The following STXBP4 variants were observed in gnomAD, a reference collection of about 807,000 sequenced individuals.
The protein encoded by STXBP4 is syntaxin binding protein 4.
A neutral mutation model predicts 76.1 loss-of-function variants in STXBP4; 55 were observed. The ratio of observed to expected loss-of-function variants is 0.72; its 90% CI spans 0.58 to 0.91. STXBP4 has a LOEUF of 0.91. Ranked by LOEUF, STXBP4 falls within the 40% of genes least tolerant of loss-of-function variation. The pLI, the probability that STXBP4 is intolerant of heterozygous loss-of-function variation, is 0.00. For missense variants in STXBP4, 618 were observed against 636.9 expected (o/e 0.97, Z 0.32); for synonymous variants, 201 against 220.2 (o/e 0.91, Z 0.77).
At chr17:55,008,550 A>T (rs190097198) in intron 8 of STXBP4, among the ~76,000 whole-genome samples, 2 of 152,206 alleles carry the variant, frequency 1.3e-5, no homozygotes, top group Non-Finnish European at 2.9e-5. Context: ...TTTACCTGAC[A>T]TGAGAACCTT....
At chr17:55,131,889 A>T (rs2079977482) in intron 16 of STXBP4, among the ~76,000 whole-genome samples, 1 of 152,070 alleles carries the variant, frequency 6.6e-6, no homozygotes, top group Non-Finnish European at 1.5e-5. Flanking sequence ...CAGCCACCTG[A>T]GTGTCTGGGA....
intron 17 of STXBP4, among the ~76,000 whole-genome samples, chr17:55,154,489 G>T (rs1197043094): frequency 6.6e-6 from 1 of 152,142 alleles, no homozygotes; most frequent in Non-Finnish European, 1.5e-5. Flanking sequence ...TGATAATTCA[G>T]TGTATAGGTA....
At chr17:55,043,453 T>C (rs1414615091) in intron 11 of STXBP4, 128 bp downstream of exon 11, 1 of 759,950 alleles carries the variant, frequency 1.3e-6, no homozygotes, top group Non-Finnish European at 2.0e-6. Context: ...TATCAAATAG[T>C]AAAAATCAGA....
intron 15 of STXBP4, among the ~76,000 whole-genome samples, chr17:55,080,633 A>G (rs2079244148): frequency 1.3e-5 from 2 of 152,128 alleles, no homozygotes; most frequent in South Asian, 4.1e-4. Context: ...AAATACATAT[A>G]TTGAATTTAT....
At chr17:54,984,755 A>C (rs1430731965) in intron 1 of STXBP4, among the ~76,000 whole-genome samples, 1 of 152,140 alleles carries the variant, frequency 6.6e-6, no homozygotes, top group African/African-American at 2.4e-5. Context: ...TCAGCTTTTC[A>C]GAGGATATCA....
chr17:54,994,447 TA>T (rs1467127933), intron 4 of STXBP4, among the ~76,000 whole-genome samples: 1 of 152,206 alleles, frequency 6.6e-6, no homozygotes, highest in African/African-American at 2.4e-5. Context: ...TGACAGCTTC[TA>T]GCTACACAAA....
chr17:55,198,043 G>T, the STXBP4 span, among the ~76,000 whole-genome samples: 2 of 152,310 alleles, frequency 1.3e-5, no homozygotes, highest in East Asian at 1.9e-4. Flanking sequence ...CGGCTCAAGG[G>T]CCTGGTTTAC....
chr17:55,153,811 AT>A (rs1490379471), intron 17 of STXBP4, among the ~76,000 whole-genome samples: 1 of 152,222 alleles, frequency 6.6e-6, no homozygotes, highest in African/African-American at 2.4e-5. Flanking sequence ...TTCCAGTTAA[AT>A]TTAGTATTCG....
intron 16 of STXBP4, among the ~76,000 whole-genome samples, chr17:55,114,267 T>C (rs1357550325): frequency 6.6e-6 from 1 of 152,088 alleles, no homozygotes; most frequent in Non-Finnish European, 1.5e-5. Flanking sequence ...TGAACTAATA[T>C]GAGAAACTGA....
the STXBP4 span, among the ~76,000 whole-genome samples, chr17:55,210,649 C>T: frequency 1.3e-5 from 2 of 152,120 alleles, no homozygotes; most frequent in African/African-American, 2.4e-5. Flanking sequence ...GATCTTTCCC[C>T]ACTTAAAATA....
chr17:54,986,129 T>A lies in STXBP4; in HGVS notation c.-78-13T>A. ...AAGACCTGACAATTTATTTTCTACT[T>A]CTTCAATCCTAGGAAAAGAAGAATT... is the stretch of plus-strand genomic sequence containing the variant. On this transcript the variant is annotated splice_polypyrimidine_tract_variant and intron_variant, in intron 2 of 17. Coordinates refer to ENST00000376352, the MANE Select transcript of STXBP4 (RefSeq NM_178509.6). 3.6e-6 allele frequency: 4 copies of A among 1,115,200 alleles called. No individual in the cohort carries two copies. Among genetic ancestry groups the A allele is most frequent in the Non-Finnish European group, 5.3e-6 (4 of 750,768 alleles). 69.1% of individuals were successfully genotyped at this position (1,115,200 alleles called of 1,614,324 possible). A position where few individuals can be genotyped will look rare whatever the true frequency, so the allele number is the denominator to read the frequency against.
At chr17:55,185,266 T>TCTC in the STXBP4 span, among the ~76,000 whole-genome samples, 42 of 53,078 alleles carry the variant, frequency 7.9e-4, 1 homozygote, top group East Asian at 1.6e-3. Context: ...TCCTTCTCCT[T>TCTC]CTCCTTCTCC....
At chr17:55,112,090 C>CT (rs5821086) in intron 16 of STXBP4, among the ~76,000 whole-genome samples, 9 of 151,102 alleles carry the variant, frequency 6.0e-5, no homozygotes, top group South Asian at 4.2e-4. Context: ...TAATTTTACT[C>CT]TTTTTTTTTT....
chr17:55,153,165 A>G (rs2145180261), intron 17 of STXBP4, among the ~76,000 whole-genome samples: 1 of 152,302 alleles, frequency 6.6e-6, no homozygotes, highest in East Asian at 1.9e-4. Flanking sequence ...CTTGCCTTTA[A>G]TTTATACTAA....
At chr17:55,045,603 G>T (rs1365321742) in intron 11 of STXBP4, among the ~76,000 whole-genome samples, 1 of 151,940 alleles carries the variant, frequency 6.6e-6, no homozygotes, top group African/African-American at 2.4e-5. Flanking sequence ...ACTTCCCTGA[G>T]GAGTCATTCA....
chr17:55,184,370 A>G, the STXBP4 span, among the ~76,000 whole-genome samples: 1 of 152,228 alleles, frequency 6.6e-6, no homozygotes. Context: ...ACCAAATATA[A>G]ATATGCCATT....
At chr17:55,133,999 A>G (rs1341636180) in intron 16 of STXBP4, among the ~76,000 whole-genome samples, 2 of 152,038 alleles carry the variant, frequency 1.3e-5, no homozygotes, top group Non-Finnish European at 2.9e-5. Flanking sequence ...TTTGTCTTTA[A>G]TTTTTTTTAA....
chr17:55,131,713 G>A (rs1030550906), intron 16 of STXBP4, among the ~76,000 whole-genome samples: 1 of 152,130 alleles, frequency 6.6e-6, no homozygotes, highest in African/African-American at 2.4e-5. Flanking sequence ...ATGTTCGACA[G>A]CCACTGGCCC....
Position 55,160,559 on chromosome 17 carries a change from G to C in STXBP4, c.*648G>C, listed in dbSNP as rs2080328053. 6.6e-6 allele frequency: 1 copy of C among 152,456 alleles called. No homozygotes were observed. The highest frequency in any genetic ancestry group is 1.5e-5 in the Non-Finnish European group (1 of 68,082). The allele number at this position is 152,456 out of a possible 1,614,324, so 9.4% of individuals were successfully genotyped here. A position where few individuals can be genotyped will look rare whatever the true frequency, so the allele number is the denominator to read the frequency against. On this transcript the variant is annotated 3_prime_UTR_variant, in exon 18 of 18. Transcript: ENST00000376352. Reference sequence around the variant, plus strand: ...GGAAATAGCAGTTCAGAGAGAGGAAGCTCTCTGTCCCAGCACCGAGACTCA... The same window carrying C: ...GGAAATAGCAGTTCAGAGAGAGGAACCTCTCTGTCCCAGCACCGAGACTCA...
Sources: allele counts gnomAD v4.1 joint callset (sites outside exome capture counted in the v4.1 genomes callset), GRCh38; gene constraint gnomAD v4.1.1; transcripts MANE v1.5; gene names NCBI Gene and HGNC (gene_info 2026-07-23, HGNC 2026-07-21).